FILIP1L: variants seen among roughly 807,000 people sequenced by gnomAD.
FILIP1L encodes the protein filamin A interacting protein 1 like, also known as filamin A-interacting protein 1-like.
FILIP1L carries 55 observed loss-of-function variants against 96.6 expected under a neutral mutation model. That is an observed-to-expected ratio of 0.57 (90% CI 0.46 to 0.71). The LOEUF (loss-of-function observed/expected upper bound fraction) is 0.71. Among genes scored for constraint, FILIP1L ranks in the 30% least tolerant of loss-of-function variants. The pLI is 0.00. For missense variants in FILIP1L, 1,304 were observed against 1,321.2 expected, an observed-to-expected ratio of 0.99 and a Z score of 0.20; for synonymous variants, 467 against 473.9, an observed-to-expected ratio of 0.99 and a Z score of 0.19.
At chr3:99,836,646 C>A (rs994302463) in intron 5 of FILIP1L, among the ~76,000 whole-genome samples, 2 of 152,192 alleles carry the variant, frequency 1.3e-5, no homozygotes, top group Admixed American at 6.5e-5. Flanking sequence ...GTGCCCACAT[C>A]CTCTGCACAA....
In FILIP1L at chr3:99,848,948, G is replaced by A. The variant is rs1943511443; in HGVS notation, c.2728C>T (p.His910Tyr). ...QPLHIKVTPD[H>Y]VQNTATLEIT... ...TCAAGAGTGGCTGTGTTTTGTACATGGTCTGGAGTAACCTTTATATGAAGT... is the reference window on the plus strand; with the variant it reads ...TCAAGAGTGGCTGTGTTTTGTACATAGTCTGGAGTAACCTTTATATGAAGT... Residue 910 changes from histidine (H) to tyrosine (Y), a missense_variant, in exon 5 of 6, where the codon CAT becomes TAT. Coordinates refer to ENST00000477258, the MANE Select transcript of FILIP1L (RefSeq NM_001387850.1). 1 of 1,613,986 alleles carries A rather than the reference G, an allele frequency of 6.2e-7. No homozygotes were observed. The highest frequency in any genetic ancestry group is 8.5e-7 in the Non-Finnish European group (1 of 1,180,016).
In FILIP1L at chr3:99,874,929, T is replaced by C. The variant is rs150493540; in HGVS notation, c.606-23859A>G. On this transcript the variant is annotated intron_variant, in intron 4 of 5. Coordinates refer to ENST00000477258, the MANE Select transcript of FILIP1L (RefSeq NM_001387850.1). ...CTTATATGGTCATTTTAGTGCCAAC[T>C]AAAATGCCAGCATTTTAAAATCTCA... Among the ~76,000 whole-genome samples, 5 of 152,358 alleles carry C rather than the reference T, an allele frequency of 3.3e-5. No individual in the cohort carries two copies. In the East Asian group the frequency reaches 9.6e-4, roughly 29 times the overall value.
rs184812807 is a variant in FILIP1L, at chr3:100,070,894, G to A, written c.-11+43159C>T. ...GATCTGCCTGCCTTGACCTCCCAAA[G>A]TGCTAGGATTATAGGCATGAGTCAC... On this transcript the variant is annotated intron_variant, in intron 1 of 5. Transcript: ENST00000477258. Among the ~76,000 whole-genome samples, 541 of 152,302 alleles carry A rather than the reference G, an allele frequency of 3.6e-3. 7 individuals are homozygous for A. Among genetic ancestry groups the A allele is most frequent in the African/African-American group, 0.013 (522 of 41,564 alleles).
At chr3:99,886,499 C>A (rs1414163561) in intron 4 of FILIP1L, among the ~76,000 whole-genome samples, 1 of 152,018 alleles carries the variant, frequency 6.6e-6, no homozygotes, top group Non-Finnish European at 1.5e-5. Flanking sequence ...TGTCCTGGGT[C>A]ACTTGCAACC....
chr3:99,905,957 C>A (rs1267638884), intron 4 of FILIP1L, among the ~76,000 whole-genome samples: 1 of 152,170 alleles, frequency 6.6e-6, no homozygotes, highest in Non-Finnish European at 1.5e-5. Flanking sequence ...GTTTGGGAGG[C>A]TGAGGCAGGC....
intron 5 of FILIP1L, among the ~76,000 whole-genome samples, chr3:99,843,998 C>A (rs1442774669): frequency 1.3e-5 from 2 of 151,904 alleles, no homozygotes; most frequent in African/African-American, 4.8e-5. Context: ...CCCCCAACCC[C>A]CCGCCCATGG....
At chr3:100,109,250 G>T (rs2066446474) in intron 1 of FILIP1L, among the ~76,000 whole-genome samples, 1 of 151,996 alleles carries the variant, frequency 6.6e-6, no homozygotes, top group South Asian at 2.1e-4. Context: ...AAATCTGCAA[G>T]AATTCCATAC....
intron 1 of FILIP1L, among the ~76,000 whole-genome samples, chr3:100,058,642 A>C (rs2065506670): frequency 6.6e-6 from 1 of 152,166 alleles, no homozygotes. Context: ...TAAATTCCCA[A>C]GCACCTCACC....
At chr3:100,021,226 G>A (rs754016296) in intron 1 of FILIP1L, among the ~76,000 whole-genome samples, 2 of 152,166 alleles carry the variant, frequency 1.3e-5, no homozygotes, top group African/African-American at 2.4e-5. Context: ...AAAACCATTG[G>A]AAGTAGCTGA....
chr3:99,960,958 G>A (rs1708474332), intron 1 of FILIP1L, among the ~76,000 whole-genome samples: 1 of 152,156 alleles, frequency 6.6e-6, no homozygotes, highest in Non-Finnish European at 1.5e-5. Context: ...CATATAAGGT[G>A]AAAAGTCCCT....
At chr3:100,018,802 C>A (rs1187943614) in intron 1 of FILIP1L, among the ~76,000 whole-genome samples, 1 of 149,244 alleles carries the variant, frequency 6.7e-6, no homozygotes, top group Non-Finnish European at 1.5e-5. Context: ...TATTTGCAAA[C>A]CATGTATCAG....
At chr3:99,844,171 G>A (rs958906563) in intron 5 of FILIP1L, among the ~76,000 whole-genome samples, 1 of 152,160 alleles carries the variant, frequency 6.6e-6, no homozygotes, top group African/African-American at 2.4e-5. Flanking sequence ...TGCTAGCCCA[G>A]AAAAAGATCA....
intron 4 of FILIP1L, among the ~76,000 whole-genome samples, chr3:99,915,068 A>G (rs992473934): frequency 3.9e-5 from 6 of 152,136 alleles, no homozygotes; most frequent in East Asian, 1.9e-4. Context: ...TTCTAGCTCC[A>G]TGATAAGGGC....
intron 1 of FILIP1L, among the ~76,000 whole-genome samples, chr3:100,066,775 C>T (rs1210097960): frequency 2.1e-5 from 2 of 94,614 alleles, no homozygotes; most frequent in Non-Finnish European, 4.9e-5. Flanking sequence ...TCGTGATCCG[C>T]CCGCCTCGGC....
chr3:99,886,020 T>G (rs1002057192), intron 4 of FILIP1L, among the ~76,000 whole-genome samples: 1 of 152,236 alleles, frequency 6.6e-6, no homozygotes, highest in African/African-American at 2.4e-5. Flanking sequence ...TTGTTCACTG[T>G]AAAGGAATTG....
At chr3:99,889,284 C>G (rs890387831) in intron 4 of FILIP1L, among the ~76,000 whole-genome samples, 3 of 152,104 alleles carry the variant, frequency 2.0e-5, no homozygotes, top group Non-Finnish European at 4.4e-5. Flanking sequence ...TAGATGCACA[C>G]AAATTCAAAC....
At chr3:99,851,942 A>C (rs1943718036) in intron 4 of FILIP1L, among the ~76,000 whole-genome samples, 1 of 152,184 alleles carries the variant, frequency 6.6e-6, no homozygotes, top group Non-Finnish European at 1.5e-5. Context: ...TTTGGTAGGA[A>C]AGTGCTTATT....
chr3:100,079,726 T>C (rs979082981), intron 1 of FILIP1L, among the ~76,000 whole-genome samples: 3 of 152,156 alleles, frequency 2.0e-5, no homozygotes, highest in African/African-American at 4.8e-5. Flanking sequence ...ATTCACACTT[T>C]AGAACAAAAA....
chr3:99,895,509 A>T (rs2107619458), intron 4 of FILIP1L, among the ~76,000 whole-genome samples: 1 of 152,184 alleles, frequency 6.6e-6, no homozygotes, highest in Middle Eastern at 3.4e-3. Context: ...TTTGCAGAAG[A>T]GGCCAAGTTC....
Sources: allele counts gnomAD v4.1 joint callset (sites outside exome capture counted in the v4.1 genomes callset), GRCh38; gene constraint gnomAD v4.1.1; transcripts MANE v1.5; gene names NCBI Gene and HGNC (gene_info 2026-07-23, HGNC 2026-07-21).